TTLL11: variants seen among roughly 807,000 people sequenced by gnomAD.
TTLL11 encodes the protein tubulin tyrosine ligase like 11, also known as tubulin polyglutamylase TTLL11.
A neutral mutation model predicts 51.7 loss-of-function variants in TTLL11; 42 were observed. The ratio of observed to expected loss-of-function variants is 0.81; its 90% confidence interval spans 0.64 to 1.05. The LOEUF (loss-of-function observed/expected upper bound fraction) is 1.05, where lower values mean the gene tolerates loss of function less well. TTLL11 is among the 50% of genes least tolerant of loss of function. The probability of loss-of-function intolerance (pLI) is 0.00; values close to 1 mark genes in which losing one functional copy is unlikely to be tolerated. For synonymous variants in TTLL11, 381 were observed against 383.5 expected, an observed-to-expected ratio of 0.99 and a Z score of 0.08; for missense variants, 799 against 940.4, an observed-to-expected ratio of 0.85 and a Z score of 1.97.
intron 6 of TTLL11, among the ~76,000 whole-genome samples, chr9:121,956,688 TGGCAGG>T (rs1477803900): frequency 7.7e-6 from 1 of 129,966 alleles, no homozygotes. Context: ...AGGCCGGGGG[TGGCAGG>T]CAAGTAGTTC....
chr9:121,965,537 G>T (rs192499837), intron 6 of TTLL11, among the ~76,000 whole-genome samples: 1 of 152,116 alleles, frequency 6.6e-6, no homozygotes, highest in African/African-American at 2.4e-5. Flanking sequence ...ATTACAATCC[G>T]AGATGAGATT....
intron 6 of TTLL11, among the ~76,000 whole-genome samples, chr9:121,957,185 C>T (rs956364155): frequency 2.0e-4 from 30 of 150,414 alleles, no homozygotes; most frequent in Admixed American, 1.8e-3. Context: ...CTCAGGTCTT[C>T]CTCAAACCGG....
At chr9:122,082,303 A>G (rs1252186088) in intron 1 of TTLL11, among the ~76,000 whole-genome samples, 3 of 152,112 alleles carry the variant, frequency 2.0e-5, no homozygotes, top group African/African-American at 7.2e-5. Context: ...CAGGAGTTCA[A>G]GACCAGCTTA....
At chr9:121,997,868 C>T (rs1843326577) in intron 3 of TTLL11, among the ~76,000 whole-genome samples, 1 of 152,108 alleles carries the variant, frequency 6.6e-6, no homozygotes, top group African/African-American at 2.4e-5. Flanking sequence ...TCGGCTGTTT[C>T]CTGGGTCTGC....
At chr9:121,877,984 TTA>T (rs1483083976) in intron 6 of TTLL11, among the ~76,000 whole-genome samples, 1 of 152,186 alleles carries the variant, frequency 6.6e-6, no homozygotes, top group Non-Finnish European at 1.5e-5. Flanking sequence ...GAATTAGGTA[TTA>T]CAAATGGTCC....
At chr9:122,000,247 G>C (rs113744090) in intron 3 of TTLL11, among the ~76,000 whole-genome samples, 1 of 151,910 alleles carries the variant, frequency 6.6e-6, no homozygotes, top group African/African-American at 2.4e-5. Flanking sequence ...CGAGGCAGGC[G>C]GATCACGAGG....
At chr9:121,826,200 ATATATATATATATATATG>A (rs1168912622) in intron 8 of TTLL11, among the ~76,000 whole-genome samples, 8 of 110,452 alleles carry the variant, frequency 7.2e-5, no homozygotes, top group African/African-American at 2.8e-4. Context: ...ATATATATAT[ATATATATATATATATATG>A]CACACATATA....
At chr9:121,897,414 C>T (rs1386468216) in intron 6 of TTLL11, among the ~76,000 whole-genome samples, 1 of 152,160 alleles carries the variant, frequency 6.6e-6, no homozygotes, top group African/African-American at 2.4e-5. Context: ...TTCTTCAGGC[C>T]CTGGCTTCGG....
intron 1 of TTLL11, among the ~76,000 whole-genome samples, chr9:122,055,949 C>G (rs561376779): frequency 6.6e-6 from 1 of 152,360 alleles, no homozygotes; most frequent in East Asian, 1.9e-4. Context: ...AGTTGCTGGT[C>G]CTGTGTGTGG....
intron 6 of TTLL11, among the ~76,000 whole-genome samples, chr9:121,965,652 T>C (rs7036888): frequency 5.9e-5 from 9 of 152,120 alleles, no homozygotes; most frequent in East Asian, 1.9e-4. Context: ...TTCAGCAGGA[T>C]AGCGGATGAT....
Position 122,092,970 on chromosome 9 carries a change from G to T in TTLL11, c.179C>A (p.Pro60His). 1 of 1,575,404 alleles carries T rather than the reference G, an allele frequency of 6.3e-7. No homozygotes were observed. Among genetic ancestry groups the T allele is most frequent in the Non-Finnish European group, 8.6e-7 (1 of 1,169,442 alleles). The change falls in exon 1 of 9, where the codon CCC becomes CAC. Residue 60 changes from proline to histidine, a missense_variant. Pro to His is a moderately conservative substitution (Grantham distance 77, BLOSUM62 -2). Coordinates refer to ENST00000321582, the MANE Select transcript of TTLL11 (RefSeq NM_001139442.2). Reference protein sequence around the residue: ...EPECKAGEEQPKVLAPAPAQP... With the variant: ...EPECKAGEEQHKVLAPAPAQP... ...CGCCGGGGCCGGGGCCAGGACCTTGGGCTGCTCCTCCCCTGCCTTGCACTC... is the reference window on the plus strand; with the variant it reads ...CGCCGGGGCCGGGGCCAGGACCTTGTGCTGCTCCTCCCCTGCCTTGCACTC...
At chr9:121,878,436 G>T (rs1838651592) in intron 6 of TTLL11, among the ~76,000 whole-genome samples, 1 of 152,134 alleles carries the variant, frequency 6.6e-6, no homozygotes, top group East Asian at 1.9e-4. Flanking sequence ...AATGTGTGTC[G>T]ACTATATGAA....
At chr9:121,943,695 T>A (rs990594910) in intron 6 of TTLL11, among the ~76,000 whole-genome samples, 17 of 152,216 alleles carry the variant, frequency 1.1e-4, no homozygotes, top group Non-Finnish European at 2.4e-4. Flanking sequence ...AAGAAAAACA[T>A]GATGTCTCAC....
chr9:121,868,060 C>T (rs1178390136), intron 7 of TTLL11, among the ~76,000 whole-genome samples: 1 of 152,136 alleles, frequency 6.6e-6, no homozygotes, highest in East Asian at 1.9e-4. Context: ...GTTCTCTGAT[C>T]TTGAATTGAG....
intron 8 of TTLL11, among the ~76,000 whole-genome samples, chr9:121,844,581 T>C (rs1837459187): frequency 6.6e-6 from 1 of 152,118 alleles, no homozygotes; most frequent in African/African-American, 2.4e-5. Context: ...CAATGGAGAA[T>C]ACAAAATAAT....
chr9:122,047,502 G>T (rs1005876712), intron 1 of TTLL11, among the ~76,000 whole-genome samples: 4 of 152,116 alleles, frequency 2.6e-5, no homozygotes, highest in African/African-American at 9.7e-5. Context: ...TGCACCCTGT[G>T]CTGGAGCATG....
At chr9:121,969,102 T>C (rs1435741617) in intron 6 of TTLL11, among the ~76,000 whole-genome samples, 5 of 152,148 alleles carry the variant, frequency 3.3e-5, no homozygotes, top group African/African-American at 1.2e-4. Flanking sequence ...ACTCCTGACC[T>C]CAAGTAATCC....
At chr9:121,898,082 CTTGT>C (rs539775990) in intron 6 of TTLL11, among the ~76,000 whole-genome samples, 2 of 152,062 alleles carry the variant, frequency 1.3e-5, no homozygotes, top group South Asian at 2.1e-4. Context: ...CCACACCTGG[CTTGT>C]TTGTTTGTTT....
At chr9:121,859,228 C>T (rs903336566) in intron 8 of TTLL11, among the ~76,000 whole-genome samples, 8 of 151,982 alleles carry the variant, frequency 5.3e-5, no homozygotes, top group East Asian at 1.9e-4. Flanking sequence ...CAGTGGCTCA[C>T]GCCTGTAATC....
Sources: allele counts gnomAD v4.1 joint callset (sites outside exome capture counted in the v4.1 genomes callset), GRCh38; gene constraint gnomAD v4.1.1; transcripts MANE v1.5; gene names NCBI Gene and HGNC (gene_info 2026-07-23, HGNC 2026-07-21).